Variants in CFAP54 observed in about 807,000 individuals in gnomAD.
The protein encoded by CFAP54 is cilia- and flagella-associated protein 54.
A neutral mutation model predicts 370.4 loss-of-function variants in CFAP54; 290 were observed. The ratio of observed to expected loss-of-function variants is 0.78; its 90% CI spans 0.71 to 0.86. The LOEUF (loss-of-function observed/expected upper bound fraction) is 0.86, where lower values mean the gene tolerates loss of function less well. CFAP54 is among the 40% of genes least tolerant of loss of function. The pLI, the probability that CFAP54 is intolerant of heterozygous loss-of-function variation, is 0.00. For synonymous variants in CFAP54, 1,206 were observed against 1,236.5 expected, an observed-to-expected ratio of 0.98 and a Z score of 0.52; for missense variants, 3,399 against 3,528.7, an observed-to-expected ratio of 0.96 and a Z score of 0.93.
At chr12:96,679,098 A>G (rs532468272) in intron 39 of CFAP54, among the ~76,000 whole-genome samples, 1 of 152,120 alleles carries the variant, frequency 6.6e-6, no homozygotes, top group Non-Finnish European at 1.5e-5. Flanking sequence ...ACAGTTAGTT[A>G]GTTCTATACC....
At position 96,703,671 on chromosome 12, in the gene CFAP54, G is replaced by GA. The variant is rs925917055; in HGVS notation, c.6475-1063dup. 4.5e-4 allele frequency among the ~76,000 whole-genome samples: 66 copies of GA among 147,406 alleles called. No individual in the cohort carries two copies. The South Asian group carries it at 0.011, about 25-fold the overall frequency. ...TAATGACAAGTAATACACCAAAAAG[G>GA]AAAAAAAAACCAAAAATATTTATTC... On this transcript the variant is annotated intron_variant, in intron 46 of 67. Transcript: ENST00000524981.
intron 5 of CFAP54, among the ~76,000 whole-genome samples, chr12:96,515,672 T>C (rs984467534): frequency 6.6e-6 from 1 of 152,164 alleles, no homozygotes; most frequent in African/African-American, 2.4e-5. Flanking sequence ...GGGCTCCTCA[T>C]GCTGTCTAAA....
At chr12:96,604,236 T>C (rs113025736) in intron 26 of CFAP54, among the ~76,000 whole-genome samples, 13,445 of 152,300 alleles carry the variant, frequency 0.088, 780 homozygotes, top group Middle Eastern at 0.14. Context: ...TGGAGTTTGC[T>C]GGAGGTCCAC....
chr12:96,566,346 C>A (rs1955865199), intron 19 of CFAP54, among the ~76,000 whole-genome samples: 1 of 152,098 alleles, frequency 6.6e-6, no homozygotes, highest in African/African-American at 2.4e-5. Flanking sequence ...AAGGGACTGG[C>A]CAGCATCACT....
At chr12:96,804,281 C>T (rs890322752) in intron 63 of CFAP54, among the ~76,000 whole-genome samples, 6 of 152,134 alleles carry the variant, frequency 3.9e-5, no homozygotes, top group African/African-American at 1.4e-4. Flanking sequence ...ACTGGAATTT[C>T]TCACCACAGC....
chr12:96,509,603 G>C (rs1955142988), intron 4 of CFAP54, among the ~76,000 whole-genome samples: 1 of 151,940 alleles, frequency 6.6e-6, no homozygotes, highest in African/African-American at 2.4e-5. Flanking sequence ...ATCACCTGAG[G>C]TCAGGAGTTC....
At chr12:96,703,470 G>T (rs1306750051) in intron 46 of CFAP54, among the ~76,000 whole-genome samples, 1 of 152,064 alleles carries the variant, frequency 6.6e-6, no homozygotes, top group African/African-American at 2.4e-5. Flanking sequence ...GTGACTTCCT[G>T]GTGACCAAGG....
At position 96,757,531 on chromosome 12, in the gene CFAP54, G is replaced by A; in HGVS notation, c.7983G>A (p.Leu2661=). 1 of 1,598,770 alleles carries A rather than the reference G, an allele frequency of 6.3e-7. No individual in the cohort carries two copies. Among genetic ancestry groups the A allele is most frequent in the Non-Finnish European group, 8.6e-7 (1 of 1,169,388 alleles). Residue 2661 remains leucine, a synonymous_variant, in exon 58 of 68, where the codon TTG becomes TTA. Transcript: ENST00000524981. The part of the protein sequence containing the change: ...IRDSYLEMAL[L]YFHLKKPKIK... ...ACTCCTACCTAGAAATGGCTCTATT[G>A]TATTTTCATCTGAAGAAGCCAAAGA...
At chr12:96,644,695 A>G (rs1401985664) in intron 33 of CFAP54, among the ~76,000 whole-genome samples, 2 of 152,170 alleles carry the variant, frequency 1.3e-5, no homozygotes, top group African/African-American at 4.8e-5. Context: ...ACATGGTGGC[A>G]GGAGAGAGAA....
Position 96,657,900 on chromosome 12 carries a change from G to T in CFAP54, c.5119G>T (p.Glu1707Ter). ...SSIKPIEDKG[E>*]FSVPSCYGNI... is the part of the protein sequence containing the mutation. ...CTTGCAGCCTATTGAAGACAAAGGAGAATTCAGTGTTCCAAGCTGTTATGG... is the reference window on the plus strand; with the variant it reads ...CTTGCAGCCTATTGAAGACAAAGGATAATTCAGTGTTCCAAGCTGTTATGG... Residue 1707 changes from glutamate (E) to a stop codon, truncating the protein, a stop_gained, in exon 37 of 68, where the codon GAA becomes TAA. Transcript: ENST00000524981. LOFTEE classifies it high-confidence loss of function. The T allele has an allele frequency of 6.2e-7, 1 of 1,611,466 alleles. No homozygotes were observed. Among genetic ancestry groups the T allele is most frequent in the Non-Finnish European group, 8.5e-7 (1 of 1,178,940 alleles).
At chr12:96,870,460 C>T (rs1412840621) in intron 67 of CFAP54, among the ~76,000 whole-genome samples, 1 of 152,146 alleles carries the variant, frequency 6.6e-6, no homozygotes, top group African/African-American at 2.4e-5. Flanking sequence ...CCTTTTACCA[C>T]CTGCATGAAT....
At chr12:96,600,341 C>T (rs1418724274) in intron 26 of CFAP54, among the ~76,000 whole-genome samples, 1 of 152,042 alleles carries the variant, frequency 6.6e-6, no homozygotes, top group African/African-American at 2.4e-5. Context: ...GTCCATTGGC[C>T]TATGTATCTG....
chr12:96,755,126 A>C (rs1958239075), intron 56 of CFAP54, among the ~76,000 whole-genome samples: 1 of 152,058 alleles, frequency 6.6e-6, no homozygotes, highest in South Asian at 2.1e-4. Context: ...TATCATAGAG[A>C]GTTTTCAGCC....
intron 25 of CFAP54, 130 bp from the exon 26 acceptor site, chr12:96,598,511 TAAAC>T: frequency 2.3e-6 from 1 of 432,088 alleles, no homozygotes. Flanking sequence ...TTATTCCTAA[TAAAC>T]AATTTATCAA....
Position 96,863,386 on chromosome 12 carries a change from G to A in CFAP54, c.*14+2434G>A, listed in dbSNP as rs74629545. ...CTGTCTTCACAAGAATTATGACCACGATGCACATAGTATTACTGACCCCAT... is the reference window on the plus strand; with the variant it reads ...CTGTCTTCACAAGAATTATGACCACAATGCACATAGTATTACTGACCCCAT... On this transcript the variant is annotated intron_variant, in intron 67 of 67. Transcript: ENST00000524981. Among the ~76,000 whole-genome samples the A allele has an allele frequency of 2.0e-5, 3 of 152,108 alleles. No individual in the cohort carries two copies. In the East Asian group the frequency reaches 5.8e-4, roughly 29 times the overall value.
At chr12:96,825,788 A>G (rs1388885485) in intron 65 of CFAP54, among the ~76,000 whole-genome samples, 1 of 129,428 alleles carries the variant, frequency 7.7e-6, no homozygotes, top group Non-Finnish European at 1.5e-5. Context: ...ATTATGTAAC[A>G]TAGTATATAT....
At chr12:96,763,291 C>T (rs967889588) in intron 58 of CFAP54, among the ~76,000 whole-genome samples, 1 of 151,770 alleles carries the variant, frequency 6.6e-6, no homozygotes, top group African/African-American at 2.4e-5. Context: ...AAAAAAAATC[C>T]TCAATCATTG....
At chr12:96,813,683 C>G (rs1226166976) in intron 64 of CFAP54, among the ~76,000 whole-genome samples, 1 of 152,198 alleles carries the variant, frequency 6.6e-6, no homozygotes, top group East Asian at 1.9e-4. Flanking sequence ...CTGTCTCTGC[C>G]TTTAAACCTA....
chr12:96,535,693 C>A, intron 12 of CFAP54, 93 bp downstream of exon 12: 1 of 743,308 alleles, frequency 1.3e-6, no homozygotes, highest in Non-Finnish European at 2.1e-6. Flanking sequence ...AGGAATTACG[C>A]CTTGCTAAAA....
Sources: gnomAD v4.1 joint callset for allele counts (sites outside exome capture counted in the v4.1 genomes callset) on GRCh38, gnomAD v4.1.1 for gene constraint, MANE v1.5 for transcripts, NCBI Gene and HGNC (gene_info 2026-07-23, HGNC 2026-07-21) for gene names.